Variants in SEPTIN3 observed in about 807,000 individuals in gnomAD.
The protein encoded by SEPTIN3 is septin 3.
SEPTIN3 carries 15 observed loss-of-function variants against 45.1 expected under a neutral mutation model. That is an observed-to-expected ratio of 0.33 (90% CI 0.22 to 0.51). SEPTIN3 has a LOEUF of 0.51. Among genes scored for constraint, SEPTIN3 ranks in the 20% least tolerant of loss-of-function variants. The pLI is 0.97. For synonymous variants in SEPTIN3, 148 were observed against 164.8 expected (o/e 0.90, Z 0.78); for missense variants, 289 against 457.2 (o/e 0.63, Z 3.35).
At chr22:41,988,486 G>A (rs2078246327) in intron 6 of SEPTIN3, among the ~76,000 whole-genome samples, 1 of 152,132 alleles carries the variant, frequency 6.6e-6, no homozygotes, top group Non-Finnish European at 1.5e-5. Flanking sequence ...CTCTTCAGAG[G>A]ATGGCACAAG....
chr22:41,985,403 G>A (rs992111600), intron 3 of SEPTIN3, among the ~76,000 whole-genome samples: 21 of 152,298 alleles, frequency 1.4e-4, no homozygotes, highest in African/African-American at 4.3e-4. Context: ...TGGATATAGA[G>A]CCAAGATGTT....
At chr22:41,990,049 C>CTTT (rs753568212) in intron 7 of SEPTIN3, among the ~76,000 whole-genome samples, 1 of 133,334 alleles carries the variant, frequency 7.5e-6, no homozygotes, top group Non-Finnish European at 1.7e-5. Flanking sequence ...GGCATCTTCT[C>CTTT]TTTGTTTTTT....
At position 41,972,004 on chromosome 22, in the gene SEPTIN3, C is replaced by A; in HGVS notation, c.512C>A (p.Pro171Gln). ...GRVHSEGPGN[P>Q]GLTKSNRMLA... is the part of the protein sequence containing the mutation. ...GTCCACTCTGAGGGCCCAGGGAACC[C>A]AGGTCTGACCAAATCCAACAGGATG... Residue 171 changes from proline to glutamine, a missense_variant, in exon 2 of 12, where the codon CCA becomes CAA. Pro to Gln is a moderately conservative substitution (Grantham distance 76, BLOSUM62 -1). This residue lies in a region of SEPTIN3 where 200 missense variants were observed against 315.1 expected (regional missense o/e 0.63). Coordinates refer to ENST00000644076, the MANE Select transcript of SEPTIN3 (RefSeq NM_001363845.2). The A allele has an allele frequency of 2.5e-6, 1 of 399,132 alleles. No individual in the cohort carries two copies. The allele number at this position is 399,132 out of a possible 1,614,324, so 24.7% of individuals were successfully genotyped here.
Position 41,989,537 on chromosome 22 carries a change from T to G in SEPTIN3, c.2046-30T>G, listed in dbSNP as rs1414963054. The G allele has an allele frequency of 2.0e-6, 3 of 1,483,032 alleles. No homozygotes were observed. The South Asian group carries it at 3.4e-5, about 17-fold the overall frequency. The allele number at this position is 1,483,032 out of a possible 1,614,324, so 91.9% of individuals were successfully genotyped here. On this transcript the variant is annotated intron_variant, in intron 6 of 11. Transcript: ENST00000644076. ...GCTGAGTTGGGGAGGGCAAGGTGGC[T>G]CTGATGATTCTGCCTTTTCTGTGCC...
Position 41,994,728 on chromosome 22 carries a change from C to A in SEPTIN3, c.2505+14C>A. 1 of 1,614,118 alleles carries A rather than the reference C, an allele frequency of 6.2e-7. No homozygotes were observed. On this transcript the variant is annotated intron_variant, in intron 11 of 11. Transcript: ENST00000644076. The surrounding 1 kb of genome is among the most constrained non-coding windows in gnomAD (Gnocchi z 4.2). Reference sequence around the variant, plus strand: ...GGCCTCCCTCCGGTGAGCGTGGACACAGAGGAAAGCCACGACAGTAACCCA... The same window carrying A: ...GGCCTCCCTCCGGTGAGCGTGGACAAAGAGGAAAGCCACGACAGTAACCCA...
chr22:41,994,144 G>T lies in SEPTIN3; in HGVS notation c.2360-146G>T. 1.5e-6 allele frequency: 1 copy of T among 670,610 alleles called. No individual in the cohort carries two copies. The highest frequency in any genetic ancestry group is 2.6e-6 in the Non-Finnish European group (1 of 383,460). The allele number at this position is 670,610 out of a possible 1,614,324, so 41.5% of individuals were successfully genotyped here. A position where few individuals can be genotyped will look rare whatever the true frequency, so the allele number is the denominator to read the frequency against. On this transcript the variant is annotated intron_variant, in intron 9 of 11. Coordinates refer to ENST00000644076, the MANE Select transcript of SEPTIN3 (RefSeq NM_001363845.2). This position sits in a 1 kb window ranked among gnomAD's most constrained non-coding sequence, Gnocchi z 4.2. Reference sequence around the variant, plus strand: ...AATCAAATCCAGTACACCCAAGTGAGCAAATCTCTGGAAGGGTTACAAAAA... The same window carrying T: ...AATCAAATCCAGTACACCCAAGTGATCAAATCTCTGGAAGGGTTACAAAAA...
Position 41,994,430 on chromosome 22 carries a change from C to T in SEPTIN3, c.2411+89C>T. ...TGTTCAGATTCACCTCCTGCATCTC[C>T]AGGTCTCTCTGACAGAGCTTTCTGC... On this transcript the variant is annotated intron_variant, in intron 10 of 11. Coordinates refer to ENST00000644076, the MANE Select transcript of SEPTIN3 (RefSeq NM_001363845.2). The surrounding 1 kb of genome is among the most constrained non-coding windows in gnomAD (Gnocchi z 4.2). The T allele has an allele frequency of 6.6e-7, 1 of 1,516,026 alleles. No individual in the cohort carries two copies. Among genetic ancestry groups the T allele is most frequent in the Admixed American group, 1.7e-5 (1 of 58,890 alleles). The allele number at this position is 1,516,026 out of a possible 1,614,324, so 93.9% of individuals were successfully genotyped here.
rs2077958848 is a variant in SEPTIN3 at position 41,971,532 on chromosome 22, T to A, written c.40T>A (p.Ser14Thr). 2.5e-6 allele frequency: 1 copy of A among 399,118 alleles called. No homozygotes were observed. Among genetic ancestry groups the A allele is most frequent in the East Asian group, 3.6e-5 (1 of 28,070 alleles). 24.7% of individuals were successfully genotyped at this position (399,118 alleles called of 1,614,324 possible). The change falls in exon 2 of 12, where the codon TCG becomes ACG. Residue 14 changes from serine to threonine, a missense_variant. Ser to Thr is a moderately conservative substitution (Grantham distance 58, BLOSUM62 1). Around this residue, in one of 3 missense-constraint regions of SEPTIN3, gnomAD observed 200 missense variants for 315.1 expected, o/e 0.63. Coordinates refer to ENST00000644076, the MANE Select transcript of SEPTIN3 (RefSeq NM_001363845.2). ...TGCTCCTGCTCCTCCAGAGATGCAGTCGCATGGAGCTCCAGGCCCGGGAAC... is the reference window on the plus strand; with the variant it reads ...TGCTCCTGCTCCTCCAGAGATGCAGACGCATGGAGCTCCAGGCCCGGGAAC... ...NFAPAPPEMQ[S>T]HGAPGPGTSF...
rs573568013 is a variant in SEPTIN3 at position 41,973,534 on chromosome 22, G to A, written c.1504+538G>A. ...AAAAAAAAAAAAAAATTAGCCGGAC[G>A]TGGTGGCGGGTGCCTGTAGTTCCAG... On this transcript the variant is annotated intron_variant, in intron 2 of 11. Coordinates refer to ENST00000644076, the MANE Select transcript of SEPTIN3 (RefSeq NM_001363845.2). Among the ~76,000 whole-genome samples, 6 of 151,368 alleles carry A rather than the reference G, an allele frequency of 4.0e-5. No individual in the cohort carries two copies. The East Asian group carries it at 7.8e-4, about 20-fold the overall frequency.
chr22:41,983,809 C>T (rs5751194), intron 3 of SEPTIN3, among the ~76,000 whole-genome samples: 116,299 of 152,176 alleles, frequency 0.76, 44,636 homozygotes, highest in East Asian at 0.9. Context: ...TTCTCTTTCA[C>T]AGTGGTTATT....
chr22:41,973,074 T>C (rs2077975400), intron 2 of SEPTIN3, 78 bp downstream of exon 2: 3 of 397,980 alleles, frequency 7.5e-6, no homozygotes, highest in Admixed American at 4.4e-5. Flanking sequence ...TGGATCATGC[T>C]TGCATGGGTT....
intron 2 of SEPTIN3, among the ~76,000 whole-genome samples, chr22:41,974,566 G>C (rs1304800348): frequency 6.6e-6 from 1 of 151,824 alleles, no homozygotes; most frequent in Non-Finnish European, 1.5e-5. Flanking sequence ...GGGAGGCTGA[G>C]GCAGGAGAAT....
rs1482890859 is a variant in SEPTIN3, at chr22:41,987,294, G to A, written c.1907+7G>A. The A allele has an allele frequency of 6.2e-7, 1 of 1,608,846 alleles. No individual in the cohort carries two copies. The highest frequency in any genetic ancestry group is 8.5e-7 in the Non-Finnish European group (1 of 1,176,590). Reference sequence around the variant, plus strand: ...AAATCAACAATGAAAACTGGTATCTGTCTGCCTCTGAGATCTTTGCCCTAA... The same window carrying A: ...AAATCAACAATGAAAACTGGTATCTATCTGCCTCTGAGATCTTTGCCCTAA... On this transcript the variant is annotated splice_region_variant and intron_variant, in intron 5 of 11. Transcript: ENST00000644076.
At chr22:41,977,001 C>G (rs1369166565) in intron 2 of SEPTIN3, 5 of 1,554,056 alleles carry the variant, frequency 3.2e-6, no homozygotes, top group Non-Finnish European at 3.5e-6. Flanking sequence ...GCCCGCGCCC[C>G]GCTCAGCCTT....
At chr22:41,993,680 G>A (rs1293122651) in intron 9 of SEPTIN3, among the ~76,000 whole-genome samples, 1 of 151,858 alleles carries the variant, frequency 6.6e-6, no homozygotes, top group South Asian at 2.1e-4. Flanking sequence ...TTTAATAGAG[G>A]TGGGGGTCTC....
chr22:41,981,605 C>G (rs1390563774), intron 2 of SEPTIN3, 40 bp from the exon 3 acceptor site: 1 of 1,554,336 alleles, frequency 6.4e-7, no homozygotes, highest in Non-Finnish European at 8.8e-7. Flanking sequence ...CTGCCGTCCT[C>G]CTGATCACCC....
At chr22:41,991,801 C>T in intron 8 of SEPTIN3, 133 bp downstream of exon 8, 1 of 703,814 alleles carries the variant, frequency 1.4e-6, no homozygotes, top group Non-Finnish European at 2.6e-6. Flanking sequence ...CCAGAAGTGA[C>T]ATAGGGGGAT....
intron 5 of SEPTIN3, 34 bp downstream of exon 5, chr22:41,987,321 G>T: frequency 1.3e-6 from 2 of 1,552,124 alleles, no homozygotes; most frequent in South Asian, 1.1e-5. Flanking sequence ...TTGCCCTAAA[G>T]ACTCTGCTGG....
chr22:41,987,808 A>G, intron 6 of SEPTIN3, 49 bp downstream of exon 6: 1 of 1,566,746 alleles, frequency 6.4e-7, no homozygotes, highest in Admixed American at 1.7e-5. Context: ...GGTTTGTATC[A>G]TCTGTGCCCA....
Sources: gnomAD v4.1 joint callset for allele counts (sites outside exome capture counted in the v4.1 genomes callset) on GRCh38, gnomAD v4.1.1 for gene constraint, gnomAD v4.1.1 regional missense constraint, Gnocchi (gnomAD v3.1) non-coding constraint, MANE v1.5 for transcripts, NCBI Gene and HGNC (gene_info 2026-07-23, HGNC 2026-07-21) for gene names.